ANO2: variants seen among roughly 807,000 people sequenced by gnomAD.
The protein encoded by ANO2 is anoctamin-2.
In ANO2, 101 loss-of-function variants were observed where a neutral mutation model predicts 124.2. That is an observed-to-expected ratio of 0.81 (90% CI 0.69 to 0.96). ANO2 has a LOEUF of 0.96. ANO2 is among the 40% of genes least tolerant of loss of function. ANO2 has a pLI of 0.00. For missense variants in ANO2, 1,293 were observed against 1,274.5 expected, an observed-to-expected ratio of 1.01 and a Z score of -0.22; for synonymous variants, 486 against 482.5, an observed-to-expected ratio of 1.01 and a Z score of -0.09.
At chr12:5,878,158 T>C (rs1202374586) in intron 3 of ANO2, among the ~76,000 whole-genome samples, 1 of 152,266 alleles carries the variant, frequency 6.6e-6, no homozygotes, top group African/African-American at 2.4e-5. Flanking sequence ...GGAATAATAA[T>C]TATGACTCTC....
chr12:5,802,520 G>C lies in ANO2; in HGVS notation c.991-2949C>G, dbSNP rs758563205. Among the ~76,000 whole-genome samples the C allele has an allele frequency of 5.3e-5, 8 of 152,204 alleles. 1 individual carries two copies. The highest frequency in any genetic ancestry group is 4.6e-4 in the Admixed American group (7 of 15,284). ...GCTGTAGACCCTTCCCAATCTTTAA[G>C]AAGGTTTAGTCACACATAGTTAAGA... On this transcript the variant is annotated intron_variant, in intron 9 of 24. Coordinates refer to ENST00000682330, the MANE Select transcript of ANO2 (RefSeq NM_001364791.2).
chr12:5,579,004 CA>C (rs1279452995), intron 20 of ANO2, among the ~76,000 whole-genome samples: 29 of 152,212 alleles, frequency 1.9e-4, no homozygotes, highest in African/African-American at 6.8e-4. Flanking sequence ...TTTACAAAAG[CA>C]ATATATAAAG....
intron 14 of ANO2, among the ~76,000 whole-genome samples, chr12:5,698,892 G>C (rs2137024865): frequency 6.6e-6 from 1 of 152,266 alleles, no homozygotes; most frequent in South Asian, 2.1e-4. Flanking sequence ...GAGAAGTTTA[G>C]AGAAAAAAGA....
At chr12:5,867,800 A>AAAAAAG (rs1955470321) in intron 3 of ANO2, among the ~76,000 whole-genome samples, 2 of 148,788 alleles carry the variant, frequency 1.3e-5, no homozygotes, top group African/African-American at 2.5e-5. Flanking sequence ...AAAAAAAAAA[A>AAAAAAG]CCAGTGGATT....
chr12:5,936,950 C>T (rs1404962174), intron 1 of ANO2, among the ~76,000 whole-genome samples: 1 of 152,186 alleles, frequency 6.6e-6, no homozygotes, highest in African/African-American at 2.4e-5. Flanking sequence ...CTCCAAAATT[C>T]TATACCATAA....
At position 5,669,179 on chromosome 12, in the gene ANO2, T is replaced by C. The variant is rs1022562793; in HGVS notation, c.1546-21378A>G. The stretch of plus-strand genomic sequence containing the variant: ...ATTCTTCCTATCCATGAGAATGGAA[T>C]GTTTTTCCATTTGTTTGTGTCCTCT... On this transcript the variant is annotated intron_variant, in intron 14 of 24. Transcript: ENST00000682330. Among the ~76,000 whole-genome samples, 36 of 152,346 alleles carry C rather than the reference T, an allele frequency of 2.4e-4. No homozygotes were observed. In the South Asian group the frequency reaches 2.5e-3, roughly 11 times the overall value.
chr12:5,911,825 G>A (rs946876138), intron 3 of ANO2, among the ~76,000 whole-genome samples: 7 of 152,184 alleles, frequency 4.6e-5, no homozygotes, highest in African/African-American at 1.4e-4. Context: ...TTCAGTTCCC[G>A]CTCTAAGATG....
intron 14 of ANO2, among the ~76,000 whole-genome samples, chr12:5,654,160 C>A (rs1400257851): frequency 2.0e-5 from 3 of 152,148 alleles, no homozygotes; most frequent in Non-Finnish European, 2.9e-5. Flanking sequence ...TCATAGAGGA[C>A]AAATAATCCA....
intron 7 of ANO2, among the ~76,000 whole-genome samples, chr12:5,813,315 T>C (rs1437368778): frequency 1.3e-5 from 2 of 152,306 alleles, no homozygotes; most frequent in Non-Finnish European, 1.5e-5. Context: ...CAAGTGTAAG[T>C]AGGTCATGAA....
intron 24 of ANO2, chr12:5,564,322 A>C (rs1461650122): frequency 6.6e-6 from 1 of 152,504 alleles, no homozygotes; most frequent in East Asian, 1.9e-4. Flanking sequence ...TTTTCCCCAG[A>C]GCACTTACTG....
chr12:5,686,484 C>A (rs1353996006), intron 14 of ANO2, among the ~76,000 whole-genome samples: 1 of 152,230 alleles, frequency 6.6e-6, no homozygotes, highest in Non-Finnish European at 1.5e-5. Context: ...GGGAAACAGA[C>A]TCCTACTGTT....
At chr12:5,779,802 A>G (rs1044455352) in intron 10 of ANO2, among the ~76,000 whole-genome samples, 2 of 152,238 alleles carry the variant, frequency 1.3e-5, no homozygotes, top group Non-Finnish European at 2.9e-5. Context: ...GACAAAGCCA[A>G]ATTGACAGAC....
At position 5,709,723 on chromosome 12, in the gene ANO2, C is replaced by T. The variant is rs78829507; in HGVS notation, c.1545+22797G>A. On this transcript the variant is annotated intron_variant, in intron 14 of 24. Coordinates refer to ENST00000682330, the MANE Select transcript of ANO2 (RefSeq NM_001364791.2). The stretch of plus-strand genomic sequence containing the variant: ...AGAGTCTATTCATATTTTCTACAAG[C>T]GACACTTTTAGGACAAATGAGTGTG... Among the ~76,000 whole-genome samples the T allele has an allele frequency of 8.3e-3, 1,264 of 152,306 alleles. 27 individuals are homozygous for T. The highest frequency in any genetic ancestry group is 0.027 in the African/African-American group (1,136 of 41,562).
rs1039118754 is a variant in ANO2, at chr12:5,769,964, C to T, written c.1056-18994G>A. Among the ~76,000 whole-genome samples, 1 of 152,156 alleles carries T rather than the reference C, an allele frequency of 6.6e-6. No homozygotes were observed. Among genetic ancestry groups the T allele is most frequent in the Non-Finnish European group, 1.5e-5 (1 of 68,024 alleles). Reference sequence around the variant, plus strand: ...ATGGGCAATGTACAAAATTCACAAGCCTGTGTGGCAGCCCGAGAAGGAGAG... The same window carrying T: ...ATGGGCAATGTACAAAATTCACAAGTCTGTGTGGCAGCCCGAGAAGGAGAG... On this transcript the variant is annotated intron_variant, in intron 10 of 24. Transcript: ENST00000682330. The surrounding 1 kb of genome is among the most constrained non-coding windows in gnomAD (Gnocchi z 4.0).
At chr12:5,756,964 T>G (rs1460300772) in intron 10 of ANO2, among the ~76,000 whole-genome samples, 1 of 152,244 alleles carries the variant, frequency 6.6e-6, no homozygotes, top group African/African-American at 2.4e-5. Flanking sequence ...GAGTTCCTTA[T>G]GAGCAGTGAA....
intron 1 of ANO2, among the ~76,000 whole-genome samples, chr12:5,939,756 A>G (rs769361854): frequency 4.6e-5 from 7 of 152,372 alleles, no homozygotes; most frequent in Non-Finnish European, 1.0e-4. Flanking sequence ...CAGAAGTAGC[A>G]CATGTCACTG....
intron 16 of ANO2, among the ~76,000 whole-genome samples, chr12:5,620,634 T>A (rs1945071916): frequency 6.6e-6 from 1 of 152,182 alleles, no homozygotes; most frequent in African/African-American, 2.4e-5. Flanking sequence ...GGCGTTGAAT[T>A]GGAATTCTAT....
chr12:5,839,343 A>G (rs1954432417), intron 4 of ANO2, among the ~76,000 whole-genome samples: 1 of 152,110 alleles, frequency 6.6e-6, no homozygotes, highest in Admixed American at 6.6e-5. Flanking sequence ...AACTGTCTGA[A>G]AGGGAACAGC....
rs2136302670 is a variant in ANO2 at position 5,921,164 on chromosome 12, G to C, written c.410C>G (p.Ala137Gly). The C allele has an allele frequency of 6.2e-7, 1 of 1,613,986 alleles. No homozygotes were observed. The highest frequency in any genetic ancestry group is 8.5e-7 in the Non-Finnish European group (1 of 1,179,882). ...SNGETGKEPH[A>G]GGPGDIELGP... ...CAGCTCAATGTCACCTGGGCCCCCA[G>C]CATGAGGCTCCTTGCCTGTCTCCCC... Residue 137 changes from alanine (A) to glycine (G), a missense_variant, in exon 3 of 25, where the codon GCT (alanine) becomes GGT (glycine). Ala to Gly is a moderately conservative substitution (Grantham distance 60, BLOSUM62 0). Coordinates refer to ENST00000682330, the MANE Select transcript of ANO2 (RefSeq NM_001364791.2).
Sources: allele counts gnomAD v4.1 joint callset (sites outside exome capture counted in the v4.1 genomes callset), GRCh38; gene constraint gnomAD v4.1.1; non-coding constraint Gnocchi (gnomAD v3.1); transcripts MANE v1.5; gene names NCBI Gene and HGNC (gene_info 2026-07-23, HGNC 2026-07-21).